LAPTM4B: variants seen among roughly 807,000 people sequenced by gnomAD.
LAPTM4B encodes the protein lysosomal-associated transmembrane protein 4B.
LAPTM4B carries 26 observed loss-of-function variants against 28.5 expected under a neutral mutation model. The ratio of observed to expected loss-of-function variants is 0.91; its 90% CI spans 0.67 to 1.27. The LOEUF (loss-of-function observed/expected upper bound fraction) is 1.27. Among genes scored for constraint, LAPTM4B ranks in the 50% most tolerant of loss-of-function variants. LAPTM4B has a pLI of 0.00. For synonymous variants in LAPTM4B, 109 were observed against 106.4 expected, an observed-to-expected ratio of 1.02 and a Z score of -0.15; for missense variants, 288 against 285.8, an observed-to-expected ratio of 1.01 and a Z score of -0.06.
chr8:97,827,845 C>T lies in LAPTM4B; in HGVS notation c.603+2692C>T, dbSNP rs186017342. ...GCAGTGGAAAGTTACAGTTAGGGGC[C>T]GTTTATTGCGGGCAGGGGAAGGGGT... On this transcript the variant is annotated intron_variant, in intron 6 of 6. Transcript: ENST00000521545. Among the ~76,000 whole-genome samples the T allele has an allele frequency of 3.3e-5, 5 of 152,030 alleles. No individual in the cohort carries two copies. The East Asian group carries it at 5.8e-4, about 18-fold the overall frequency.
intron 1 of LAPTM4B, among the ~76,000 whole-genome samples, chr8:97,778,308 C>A (rs914850296): frequency 1.3e-5 from 2 of 150,626 alleles, no homozygotes; most frequent in Non-Finnish European, 3.0e-5. Flanking sequence ...TTTTTCTTTT[C>A]TTTCTTTTTT....
intron 6 of LAPTM4B, among the ~76,000 whole-genome samples, chr8:97,841,642 C>A (rs1221469166): frequency 6.6e-6 from 1 of 152,134 alleles, no homozygotes; most frequent in Non-Finnish European, 1.5e-5. Flanking sequence ...TAAAGATAAG[C>A]CCAGACTTTG....
chr8:97,830,083 G>T (rs1433856721), intron 6 of LAPTM4B, among the ~76,000 whole-genome samples: 2 of 152,170 alleles, frequency 1.3e-5, no homozygotes, highest in Non-Finnish European at 2.9e-5. Context: ...GTAAGGAGAT[G>T]GGGGAGGTTG....
At chr8:97,777,410 T>G (rs978964924) in intron 1 of LAPTM4B, among the ~76,000 whole-genome samples, 4 of 152,066 alleles carry the variant, frequency 2.6e-5, no homozygotes, top group Non-Finnish European at 5.9e-5. Context: ...ACTCCCAAAG[T>G]GCTGAGATTA....
chr8:97,784,113 G>T lies in LAPTM4B; in HGVS notation c.99+8005G>T, dbSNP rs934851168. On this transcript the variant is annotated intron_variant, in intron 1 of 6. Transcript: ENST00000521545. ...ATTTGTAGAGTGATTGATAGCTTTC[G>T]GTGGGCATTCACATTTGTTCTTATT... 3.3e-5 allele frequency among the ~76,000 whole-genome samples: 5 copies of T among 152,066 alleles called. No homozygotes were observed. In the East Asian group the frequency reaches 9.6e-4, roughly 29 times the overall value.
chr8:97,794,420 T>C (rs1252986091), intron 1 of LAPTM4B, among the ~76,000 whole-genome samples: 1 of 152,128 alleles, frequency 6.6e-6, no homozygotes, highest in Non-Finnish European at 1.5e-5. Context: ...CTTGGGACCA[T>C]GTCTTAATCA....
In LAPTM4B at chr8:97,789,062, ATTTATTTATT is replaced by A. The variant is rs1563602200; in HGVS notation, c.99+12956_99+12965del. Among the ~76,000 whole-genome samples the A allele has an allele frequency of 5.6e-3, 825 of 146,532 alleles. 7 individuals carry two copies. Among genetic ancestry groups the A allele is most frequent in the African/African-American group, 0.02 (787 of 39,466 alleles). ...TCTTTATTTATTTATTTATTTATTT[ATTTATTTATT>A]TATTTATTTATTTATTTTGAGACGG... On this transcript the variant is annotated intron_variant, in intron 1 of 6. Transcript: ENST00000521545.
At chr8:97,830,339 G>C (rs1412244469) in intron 6 of LAPTM4B, among the ~76,000 whole-genome samples, 1 of 152,136 alleles carries the variant, frequency 6.6e-6, no homozygotes, top group Non-Finnish European at 1.5e-5. Context: ...GCCACACAAG[G>C]TCACCTATCC....
At chr8:97,804,445 G>A (rs17753669) in intron 1 of LAPTM4B, among the ~76,000 whole-genome samples, 8,501 of 152,282 alleles carry the variant, frequency 0.056, 334 homozygotes, top group Non-Finnish European at 0.081. Context: ...GACTTGTAGA[G>A]GTTAGGTTTT....
chr8:97,839,216 T>C (rs1321227998), intron 6 of LAPTM4B, among the ~76,000 whole-genome samples: 2 of 152,204 alleles, frequency 1.3e-5, no homozygotes, highest in Non-Finnish European at 2.9e-5. Flanking sequence ...TTTGGTGAGA[T>C]GGAGTTTTAC....
At chr8:97,815,247 C>T (rs1422709693) in intron 2 of LAPTM4B, 81 bp from the exon 3 acceptor site, 53 of 1,012,576 alleles carry the variant, frequency 5.2e-5, no homozygotes, top group Non-Finnish European at 5.0e-5. Flanking sequence ...TACAAAATGC[C>T]TTTGAGAAGA....
intron 6 of LAPTM4B, among the ~76,000 whole-genome samples, chr8:97,849,750 T>C (rs1817491368): frequency 6.6e-6 from 1 of 152,158 alleles, no homozygotes; most frequent in South Asian, 2.1e-4. Flanking sequence ...CCTGACCCTG[T>C]TCAGCCAGGC....
At chr8:97,809,453 A>C (rs536351131) in intron 2 of LAPTM4B, among the ~76,000 whole-genome samples, 1 of 152,204 alleles carries the variant, frequency 6.6e-6, no homozygotes, top group African/African-American at 2.4e-5. Context: ...TAATCCCAGC[A>C]CTTTGGGAGG....
rs1236969214 is a variant in LAPTM4B, at chr8:97,851,431, A to G, written c.638A>G (p.Asn213Ser). Residue 213 changes from asparagine (N) to serine (S), a missense_variant, in exon 7 of 7, where the codon AAT (asparagine) becomes AGT (serine). Physicochemically the swap from Asn to Ser is conservative, Grantham distance 46 (BLOSUM62 1). Transcript: ENST00000521545. Reference sequence around the variant, plus strand: ...CCCCCGTATGATGATGCCACTGTGAATGGTGCTGCCAAGGAGCCACCGCCA... The same window carrying G: ...CCCCCGTATGATGATGCCACTGTGAGTGGTGCTGCCAAGGAGCCACCGCCA... ...LLPPYDDATV[N>S]GAAKEPPPPY... 6.2e-6 allele frequency: 10 copies of G among 1,614,034 alleles called. No homozygotes were observed. In the East Asian group the frequency reaches 6.7e-5, roughly 11 times the overall value.
chr8:97,845,798 A>C (rs1026907451), intron 6 of LAPTM4B, among the ~76,000 whole-genome samples: 1 of 149,268 alleles, frequency 6.7e-6, no homozygotes, highest in Non-Finnish European at 1.5e-5. Flanking sequence ...AGAACCCATG[A>C]TCACAATCAG....
rs1217864819 is a variant in LAPTM4B, at chr8:97,816,068, C to T, written c.296C>T (p.Ala99Val). The change falls in exon 4 of 7, where the codon GCC becomes GTC. Residue 99 changes from alanine to valine, a missense_variant. Ala to Val is a moderately conservative substitution (Grantham distance 64, BLOSUM62 0). Transcript: ENST00000521545. ...TTCTGTTCTGTTTAGCAACGCGCAGCCTGGATCATCCCATTCTTCTGTTAC... is the reference window on the plus strand; with the variant it reads ...TTCTGTTCTGTTTAGCAACGCGCAGTCTGGATCATCCCATTCTTCTGTTAC... ...ATYGAYKQRA[A>V]WIIPFFCYQI... The T allele has an allele frequency of 6.2e-7, 1 of 1,612,346 alleles. No homozygotes were observed.
In LAPTM4B at chr8:97,776,238, C is replaced by T. The variant is rs536293827; in HGVS notation, c.99+130C>T. On this transcript the variant is annotated intron_variant, in intron 1 of 6. Coordinates refer to ENST00000521545, the MANE Select transcript of LAPTM4B (RefSeq NM_018407.6). ...AAGTTGTATTATTAGAAACTTAATT[C>T]TCCGGGTGCCGCGTCCGCACTTCCC... The T allele has an allele frequency of 5.3e-4, 601 of 1,140,754 alleles. 2 individuals carry two copies. The highest frequency in any genetic ancestry group is 1.0e-3 in the South Asian group (53 of 51,756). The allele number at this position is 1,140,754 out of a possible 1,614,324, so 70.7% of individuals were successfully genotyped here.
chr8:97,775,983 C>T lies in LAPTM4B; in HGVS notation c.-27C>T, dbSNP rs1212121992. The T allele has an allele frequency of 6.4e-7, 1 of 1,557,480 alleles. No homozygotes were observed. The highest frequency in any genetic ancestry group is 8.6e-7 in the Non-Finnish European group (1 of 1,159,724). ...GTCGACGCTCCTGAAAACTTGCGCG[C>T]GCGCTCGCGCCACTGCGCCCGGAGC... On this transcript the variant is annotated 5_prime_UTR_variant, in exon 1 of 7. Coordinates refer to ENST00000521545, the MANE Select transcript of LAPTM4B (RefSeq NM_018407.6).
At chr8:97,786,213 T>G (rs1816397309) in intron 1 of LAPTM4B, among the ~76,000 whole-genome samples, 1 of 152,190 alleles carries the variant, frequency 6.6e-6, no homozygotes. Flanking sequence ...GTTAACTCAT[T>G]GTGCTTGACG....
Sources: allele counts gnomAD v4.1 joint callset (sites outside exome capture counted in the v4.1 genomes callset), GRCh38; gene constraint gnomAD v4.1.1; transcripts MANE v1.5; gene names NCBI Gene and HGNC (gene_info 2026-07-23, HGNC 2026-07-21).